SCTR: variants seen among roughly 807,000 people sequenced by gnomAD.
SCTR encodes the protein secretin receptor, also known as pancreatic secretin receptor.
In SCTR, 56 loss-of-function variants were observed where a neutral mutation model predicts 60.8. That is an observed-to-expected ratio of 0.92 (90% CI 0.74 to 1.15). SCTR has a LOEUF of 1.15. SCTR is among the 50% of genes most tolerant of loss of function. The pLI, the probability that SCTR is intolerant of heterozygous loss-of-function variation, is 0.00. For missense variants in SCTR, 562 were observed against 550.4 expected (o/e 1.02, Z -0.21); for synonymous variants, 202 against 217.0 (o/e 0.93, Z 0.61).
intron 12 of SCTR, among the ~76,000 whole-genome samples, chr2:119,440,569 C>T (rs940968107): frequency 6.6e-6 from 1 of 152,202 alleles, no homozygotes; most frequent in Non-Finnish European, 1.5e-5. Context: ...GCTCCCTGGC[C>T]CCCAGGCTGA....
intron 1 of SCTR, among the ~76,000 whole-genome samples, chr2:119,503,359 G>A (rs1422805693): frequency 6.6e-6 from 1 of 151,898 alleles, no homozygotes; most frequent in Non-Finnish European, 1.5e-5. Context: ...TTGAGTCCAG[G>A]AGTTCAAGAC....
chr2:119,455,438 A>G (rs1683336477), intron 7 of SCTR, among the ~76,000 whole-genome samples: 1 of 152,234 alleles, frequency 6.6e-6, no homozygotes. Context: ...ACAATCAGAG[A>G]AAAGGAACTC....
chr2:119,522,762 C>T (rs1679327259), intron 1 of SCTR, among the ~76,000 whole-genome samples: 1 of 152,176 alleles, frequency 6.6e-6, no homozygotes, highest in Non-Finnish European at 1.5e-5. Flanking sequence ...CTCTCCCACC[C>T]CCAGCCACGG....
At chr2:119,509,458 A>C (rs1558880795) in intron 1 of SCTR, among the ~76,000 whole-genome samples, 2 of 152,166 alleles carry the variant, frequency 1.3e-5, no homozygotes, top group Non-Finnish European at 2.9e-5. Context: ...TAAGAGTTGA[A>C]AGTCCTCTGG....
chr2:119,495,896 C>T (rs917633298), intron 1 of SCTR, among the ~76,000 whole-genome samples: 7 of 152,234 alleles, frequency 4.6e-5, no homozygotes, highest in African/African-American at 9.6e-5. Context: ...CTCATTCTTT[C>T]CCCACCTCTC....
At chr2:119,509,986 C>CTTT (rs369904458) in intron 1 of SCTR, among the ~76,000 whole-genome samples, 3 of 147,576 alleles carry the variant, frequency 2.0e-5, no homozygotes, top group East Asian at 4.0e-4. Context: ...TCAGAATTTC[C>CTTT]TTTTTTTTTT....
At chr2:119,495,827 A>G (rs1678325308) in intron 1 of SCTR, among the ~76,000 whole-genome samples, 1 of 152,220 alleles carries the variant, frequency 6.6e-6, no homozygotes, top group East Asian at 1.9e-4. Flanking sequence ...GCTTGTGATC[A>G]GTCATGGCCG....
At chr2:119,514,900 A>G (rs1368973680) in intron 1 of SCTR, among the ~76,000 whole-genome samples, 1 of 152,104 alleles carries the variant, frequency 6.6e-6, no homozygotes, top group Non-Finnish European at 1.5e-5. Flanking sequence ...AATCTGAATA[A>G]GGTAAAGAGA....
At position 119,507,679 on chromosome 2, in the gene SCTR, TC is replaced by T. The variant is rs374878712; in HGVS notation, c.73-13132del. Among the ~76,000 whole-genome samples, 391 of 121,880 alleles carry T rather than the reference TC, an allele frequency of 3.2e-3. 1 individual carries two copies. The highest frequency in any genetic ancestry group is 0.011 in the African/African-American group (338 of 31,766). 80.0% of individuals were successfully genotyped at this position (121,880 alleles called of 152,430 possible). On this transcript the variant is annotated intron_variant, in intron 1 of 12. Coordinates refer to ENST00000019103, the MANE Select transcript of SCTR (RefSeq NM_002980.3). ...TTTCTCGTTCTTTTTTTTTTTTTTTTCTTTTTTTTTTTTTGAGGCAGAGTCT... is the reference window on the plus strand; with the variant it reads ...TTTCTCGTTCTTTTTTTTTTTTTTTTTTTTTTTTTTTTTGAGGCAGAGTCT...
intron 1 of SCTR, among the ~76,000 whole-genome samples, chr2:119,522,065 C>T (rs1173684832): frequency 6.6e-6 from 1 of 152,180 alleles, no homozygotes; most frequent in East Asian, 1.9e-4. Flanking sequence ...GAGGCCGAGG[C>T]AGGCAGGTCA....
At chr2:119,511,010 C>A (rs2579610) in intron 1 of SCTR, among the ~76,000 whole-genome samples, 113,814 of 151,658 alleles carry the variant, frequency 0.75, 42,985 homozygotes, top group East Asian at 0.94. Flanking sequence ...ATCCTGGCTA[C>A]CGCGGTGAAA....
At chr2:119,507,206 G>T (rs1363983791) in intron 1 of SCTR, among the ~76,000 whole-genome samples, 1 of 152,150 alleles carries the variant, frequency 6.6e-6, no homozygotes, top group East Asian at 1.9e-4. Flanking sequence ...GATTATTTAA[G>T]GAAAGTGTTT....
intron 10 of SCTR, among the ~76,000 whole-genome samples, chr2:119,448,277 C>G (rs768685821): frequency 3.3e-5 from 5 of 152,342 alleles, no homozygotes; most frequent in Admixed American, 6.5e-5. Flanking sequence ...GAACGTATTT[C>G]TCTTTAACAT....
chr2:119,451,367 G>A (rs1288166380), intron 9 of SCTR, among the ~76,000 whole-genome samples: 4 of 152,116 alleles, frequency 2.6e-5, no homozygotes, highest in African/African-American at 4.8e-5. Context: ...AATCGCCTGG[G>A]GACCAGTACC....
intron 7 of SCTR, among the ~76,000 whole-genome samples, chr2:119,460,891 G>C (rs193069517): frequency 6.4e-4 from 98 of 152,232 alleles, no homozygotes; most frequent in African/African-American, 2.3e-3. Flanking sequence ...TAGTTCAAGG[G>C]TGTCTATGAG....
intron 2 of SCTR, chr2:119,485,694 G>C (rs576272188): frequency 2.6e-4 from 40 of 152,552 alleles, no homozygotes; most frequent in African/African-American, 9.4e-4. Context: ...GGAAGCCACA[G>C]CTCCTCTTTG....
intron 3 of SCTR, among the ~76,000 whole-genome samples, chr2:119,478,430 C>G (rs1478475194): frequency 6.6e-6 from 1 of 152,052 alleles, no homozygotes; most frequent in Non-Finnish European, 1.5e-5. Context: ...GAAGGCCAGG[C>G]CATTAGGGAG....
intron 7 of SCTR, among the ~76,000 whole-genome samples, chr2:119,458,359 T>A (rs1337424183): frequency 1.3e-5 from 2 of 150,408 alleles, no homozygotes; most frequent in African/African-American, 4.9e-5. Context: ...CCCAGCACTT[T>A]GGGAGGCCGA....
chr2:119,496,261 A>G (rs111425180), intron 1 of SCTR, among the ~76,000 whole-genome samples: 3,799 of 152,346 alleles, frequency 0.025, 163 homozygotes, highest in African/African-American at 0.086. Flanking sequence ...TCTCAACAGG[A>G]CAGAAAGTGC....
Sources: gnomAD v4.1 joint callset for allele counts (sites outside exome capture counted in the v4.1 genomes callset) on GRCh38, gnomAD v4.1.1 for gene constraint, MANE v1.5 for transcripts, NCBI Gene and HGNC (gene_info 2026-07-23, HGNC 2026-07-21) for gene names.